Variants in CADM3 observed in about 807,000 individuals in gnomAD.
CADM3 encodes the protein cell adhesion molecule 3, also known as TSLC1-like 1.
In CADM3, 11 loss-of-function variants were observed where a neutral mutation model predicts 44.9. That is an observed-to-expected ratio of 0.25 (90% CI 0.15 to 0.41). The LOEUF is 0.41. Ranked by LOEUF, CADM3 falls within the 10% of genes least tolerant of loss-of-function variation. CADM3 has a pLI of 1.00. For synonymous variants in CADM3, 207 were observed against 205.2 expected, an observed-to-expected ratio of 1.01 and a Z score of -0.08; for missense variants, 426 against 512.0, an observed-to-expected ratio of 0.83 and a Z score of 1.62.
chr1:159,193,400 T>C (rs369119274), intron 3 of CADM3, 23 bp from the exon 4 acceptor site: 73 of 1,572,584 alleles, frequency 4.6e-5, no homozygotes, highest in Non-Finnish European at 6.0e-5. Context: ...CTTCCTATCC[T>C]GGCCATCCCC....
chr1:159,182,222 C>T (rs1649263506), intron 1 of CADM3, among the ~76,000 whole-genome samples: 1 of 152,184 alleles, frequency 6.6e-6, no homozygotes, highest in Non-Finnish European at 1.5e-5. Flanking sequence ...TAAGAAGATG[C>T]CATCCGCCCC....
At chr1:159,191,246 A>G (rs1649650383) in intron 1 of CADM3, among the ~76,000 whole-genome samples, 1 of 152,212 alleles carries the variant, frequency 6.6e-6, no homozygotes, top group African/African-American at 2.4e-5. Flanking sequence ...CCTCTTTAAA[A>G]TGACAACATC....
chr1:159,180,292 T>A (rs567792982), intron 1 of CADM3, among the ~76,000 whole-genome samples: 1 of 152,158 alleles, frequency 6.6e-6, no homozygotes, highest in Non-Finnish European at 1.5e-5. Context: ...CCCAGAAATA[T>A]GATTAGTGAG....
In CADM3 at chr1:159,193,946, C is replaced by A; in HGVS notation, c.597C>A (p.Thr199=). Reference sequence around the variant, plus strand: ...GCAGCTCGGTGACATTCCAGGTTACCCGGGAGGATGATGGGGCGAGCATCG... The same window carrying A: ...GCAGCTCGGTGACATTCCAGGTTACACGGGAGGATGATGGGGCGAGCATCG... ...TVSSSVTFQV[T]REDDGASIVC... Residue 199 remains threonine, a synonymous_variant, in exon 5 of 9, where the codon ACC becomes ACA. Coordinates refer to ENST00000368125, the MANE Select transcript of CADM3 (RefSeq NM_001127173.3). The A allele has an allele frequency of 6.2e-7, 1 of 1,614,074 alleles. No individual in the cohort carries two copies. The highest frequency in any genetic ancestry group is 8.5e-7 in the Non-Finnish European group (1 of 1,180,024).
At position 159,199,894 on chromosome 1, in the gene CADM3, A is replaced by C; in HGVS notation, c.1078+18A>C. The C allele has an allele frequency of 6.2e-7, 1 of 1,612,562 alleles. No individual in the cohort carries two copies. The highest frequency in any genetic ancestry group is 8.5e-7 in the Non-Finnish European group (1 of 1,179,318). On this transcript the variant is annotated intron_variant, in intron 8 of 8. Coordinates refer to ENST00000368125, the MANE Select transcript of CADM3 (RefSeq NM_001127173.3). The stretch of plus-strand genomic sequence containing the variant: ...GCACAAAGGTCAGAGGCACAAAGAG[A>C]GCATCAGCAGAACTTGGGAGGGGCA...
intron 1 of CADM3, among the ~76,000 whole-genome samples, chr1:159,177,778 C>T (rs955195397): frequency 2.0e-5 from 3 of 152,298 alleles, no homozygotes; most frequent in African/African-American, 7.2e-5. Flanking sequence ...GTAAGATGCT[C>T]AGGAAATTGT....
rs548199135 is a variant in CADM3, at chr1:159,177,451, A to C, written c.88+5598A>C. ...AGCAAACTATTATACCTGTGCTTTG[A>C]GCTCTCCATGGTGCTAGCCCCTGAC... is the stretch of plus-strand genomic sequence containing the variant. On this transcript the variant is annotated intron_variant, in intron 1 of 8. Coordinates refer to ENST00000368125, the MANE Select transcript of CADM3 (RefSeq NM_001127173.3). Among the ~76,000 whole-genome samples, 22 of 152,138 alleles carry C rather than the reference A, an allele frequency of 1.4e-4. No individual in the cohort carries two copies. In the South Asian group the frequency reaches 4.4e-3, roughly 30 times the overall value.
intron 7 of CADM3, chr1:159,197,530 A>G (rs1462972773): frequency 1.3e-5 from 2 of 153,410 alleles, no homozygotes; most frequent in African/African-American, 4.8e-5. Flanking sequence ...GACAGAAAAT[A>G]GAGAGAAGCT....
chr1:159,177,908 A>G (rs1171217968), intron 1 of CADM3, among the ~76,000 whole-genome samples: 9 of 152,240 alleles, frequency 5.9e-5, no homozygotes, highest in Admixed American at 5.2e-4. Flanking sequence ...TTGCTCTTAT[A>G]TGATAACAAT....
chr1:159,188,474 T>C (rs971619344), intron 1 of CADM3, among the ~76,000 whole-genome samples: 2 of 151,872 alleles, frequency 1.3e-5, no homozygotes, highest in African/African-American at 2.4e-5. Context: ...CTCTCGGTCC[T>C]AGCGCCCCTT....
intron 7 of CADM3, 135 bp downstream of exon 7, chr1:159,197,195 G>C (rs1193111861): frequency 1.2e-5 from 10 of 836,986 alleles, no homozygotes; most frequent in Non-Finnish European, 1.9e-5. Context: ...CCACCACTGG[G>C]GTCCCTGAGG....
At chr1:159,197,679 G>A (rs529305481) in intron 7 of CADM3, 1 of 152,336 alleles carries the variant, frequency 6.6e-6, no homozygotes, top group Admixed American at 6.5e-5. Flanking sequence ...GTGACACAGA[G>A]GCCCCTTTAT....
At chr1:159,177,116 G>T (rs530919334) in intron 1 of CADM3, among the ~76,000 whole-genome samples, 2 of 152,026 alleles carry the variant, frequency 1.3e-5, no homozygotes, top group Admixed American at 1.3e-4. Context: ...TAGAAGATAG[G>T]CCTAATTTTA....
intron 7 of CADM3, 43 bp from the exon 8 acceptor site, chr1:159,199,708 G>C: frequency 1.2e-6 from 2 of 1,613,852 alleles, no homozygotes; most frequent in Non-Finnish European, 1.7e-6. Context: ...ATAAGATAAG[G>C]GCTCTCCCCA....
intron 7 of CADM3, among the ~76,000 whole-genome samples, chr1:159,198,440 A>G (rs1650000222): frequency 6.6e-6 from 1 of 152,076 alleles, no homozygotes; most frequent in Non-Finnish European, 1.5e-5. Context: ...AAGTTACACC[A>G]TCACCTCCAC....
intron 1 of CADM3, among the ~76,000 whole-genome samples, chr1:159,191,146 T>C (rs983444241): frequency 6.6e-6 from 1 of 152,120 alleles, no homozygotes; most frequent in Admixed American, 6.5e-5. Flanking sequence ...CTAGTCCTTT[T>C]TGTTTTGTTT....
chr1:159,184,413 T>C (rs1046640356), intron 1 of CADM3, among the ~76,000 whole-genome samples: 1 of 152,370 alleles, frequency 6.6e-6, no homozygotes, highest in South Asian at 2.1e-4. Flanking sequence ...TTTTTAACTC[T>C]GGAGTTAGAG....
intron 1 of CADM3, among the ~76,000 whole-genome samples, chr1:159,175,215 T>C (rs2102089682): frequency 6.6e-6 from 1 of 152,364 alleles, no homozygotes; most frequent in Non-Finnish European, 1.5e-5. Flanking sequence ...CTCCTCCTAG[T>C]TGCAGCTGTA....
intron 1 of CADM3, among the ~76,000 whole-genome samples, chr1:159,185,090 AAGG>A: frequency 6.6e-6 from 1 of 152,314 alleles, no homozygotes. Flanking sequence ...ATGAAAACAC[AAGG>A]AGATTTTTTT....
Sources: gnomAD v4.1 joint callset for allele counts (sites outside exome capture counted in the v4.1 genomes callset) on GRCh38, gnomAD v4.1.1 for gene constraint, MANE v1.5 for transcripts, NCBI Gene and HGNC (gene_info 2026-07-23, HGNC 2026-07-21) for gene names.